Variants in HDX observed in about 807,000 individuals in gnomAD.
The protein encoded by HDX is highly divergent homeobox.
Under a neutral mutation model 45.2 loss-of-function variants are expected in HDX, and 19 were observed. That is an observed-to-expected ratio of 0.42 (90% CI 0.29 to 0.62). HDX has a LOEUF of 0.62. Among genes scored for constraint, HDX ranks in the 20% least tolerant of loss-of-function variants. The pLI, the probability that HDX is intolerant of heterozygous loss-of-function variation, is 0.20. For missense variants in HDX, 532 were observed against 493.9 expected, an observed-to-expected ratio of 1.08 and a Z score of -0.73; for synonymous variants, 188 against 172.8, an observed-to-expected ratio of 1.09 and a Z score of -0.69.
At chrX:84,340,589 G>A (rs1290690402) in intron 7 of HDX, among the ~76,000 whole-genome samples, 1 of 110,932 alleles carries the variant, frequency 9.0e-6, no homozygotes, top group Non-Finnish European at 1.9e-5. Context: ...ATATTTTAAA[G>A]GCATGATATT....
At chrX:84,496,975 A>G (rs1569381309) in intron 1 of HDX, among the ~76,000 whole-genome samples, 1 of 111,100 alleles carries the variant, frequency 9.0e-6, no homozygotes, top group Non-Finnish European at 1.9e-5. Flanking sequence ...ATGGAAAATG[A>G]CTGGATCATG....
chrX:84,386,084 A>G (rs2038314322), intron 5 of HDX, among the ~76,000 whole-genome samples: 1 of 110,086 alleles, frequency 9.1e-6, no homozygotes, highest in Admixed American at 9.7e-5. Context: ...ATTTTATGGA[A>G]AACTTTTTAT....
rs1177579593 is a variant in HDX at position 84,475,341 on chromosome X, A to G, written c.57T>C (p.Tyr19=). The change falls in exon 3 of 11, where the codon TAT becomes TAC. Residue 19 remains tyrosine, a synonymous_variant. Coordinates refer to ENST00000373177, the MANE Select transcript of HDX (RefSeq NM_001177479.2). ...VEQQRILQRY[Y]ENGMTNQSKN... ...TACTTTGATTTGTCATTCCATTTTC[A>G]TAATAACGCTGTAAAATCCTTTGTT... The G allele has an allele frequency of 8.5e-7, 1 of 1,170,865 alleles. No homozygotes were observed. The highest frequency in any genetic ancestry group is 1.8e-5 in the South Asian group (1 of 54,553).
At position 84,469,289 on chromosome X, in the gene HDX, T is replaced by C. The variant is rs2040412382; in HGVS notation, c.434A>G (p.Asn145Ser). Residue 145 changes from asparagine to serine, a missense_variant, in exon 4 of 11, where the codon AAT becomes AGT. Physicochemically the swap from Asn to Ser is conservative, Grantham distance 46. Around this residue, in one of 3 missense-constraint regions of HDX, gnomAD observed 376 missense variants for 343.7 expected, o/e 1.09. Coordinates refer to ENST00000373177, the MANE Select transcript of HDX (RefSeq NM_001177479.2). ...AATGTGTAACTGAAACTCAGTATCA[T>C]TTTTAGTGGCTGTTTTCTGAATAGG... is the stretch of plus-strand genomic sequence containing the variant. ...KIPIQKTATK[N>S]DTEFQLHIPV... 2.5e-6 allele frequency: 3 copies of C among 1,208,995 alleles called. No individual in the cohort carries two copies. The highest frequency in any genetic ancestry group is 3.4e-6 in the Non-Finnish European group (3 of 894,243).
At chrX:84,364,002 T>C (rs183884622) in intron 5 of HDX, among the ~76,000 whole-genome samples, 15 of 111,852 alleles carry the variant, frequency 1.3e-4, no homozygotes, top group East Asian at 1.1e-3. Flanking sequence ...GTGACTTCAC[T>C]TGGCTTATAT....
intron 5 of HDX, among the ~76,000 whole-genome samples, chrX:84,392,866 T>C (rs1367679239): frequency 9.1e-6 from 1 of 109,806 alleles, no homozygotes; most frequent in African/African-American, 3.3e-5. Context: ...TTACTGAATT[T>C]ATTTTTCAGA....
intron 7 of HDX, among the ~76,000 whole-genome samples, chrX:84,339,098 G>C (rs1303840850): frequency 9.0e-6 from 1 of 111,527 alleles, no homozygotes; most frequent in East Asian, 2.8e-4. Flanking sequence ...AACTGAAGCA[G>C]ACCTGCAGGA....
At chrX:84,364,941 C>T (rs2147857912) in intron 5 of HDX, among the ~76,000 whole-genome samples, 1 of 111,190 alleles carries the variant, frequency 9.0e-6, no homozygotes, top group South Asian at 3.8e-4. Context: ...GGATTTCCTT[C>T]CTTTTTAAGG....
chrX:84,374,383 C>T (rs1268083824), intron 5 of HDX, among the ~76,000 whole-genome samples: 121 of 109,649 alleles, frequency 1.1e-3, no homozygotes, highest in African/African-American at 4.0e-3. Flanking sequence ...TACCAATGAT[C>T]TTCTTCACAG....
chrX:84,428,242 C>G (rs1325576125), intron 5 of HDX, among the ~76,000 whole-genome samples: 2 of 110,065 alleles, frequency 1.8e-5, no homozygotes, highest in Non-Finnish European at 3.8e-5. Context: ...TTATCATAAC[C>G]CTGTCTTTCT....
intron 5 of HDX, among the ~76,000 whole-genome samples, chrX:84,385,791 T>C (rs763481827): frequency 2.1e-4 from 23 of 108,495 alleles, no homozygotes; most frequent in East Asian, 2.9e-4. Flanking sequence ...TAAAATCATA[T>C]CGTCAACAGA....
In HDX at chrX:84,325,390, C is replaced by T. The variant is rs183250280; in HGVS notation, c.1947+788G>A. 2.7e-3 allele frequency among the ~76,000 whole-genome samples: 301 copies of T among 111,443 alleles called. 2 individuals carry two copies. The highest frequency in any genetic ancestry group is 9.5e-3 in the African/African-American group (291 of 30,766). On this transcript the variant is annotated intron_variant, in intron 10 of 10. Transcript: ENST00000373177. ...AGGGTTACATATGTCTCACACTACTCCTATAGAACTGTGACAAGGAATCAG... is the reference window on the plus strand; with the variant it reads ...AGGGTTACATATGTCTCACACTACTTCTATAGAACTGTGACAAGGAATCAG...
intron 5 of HDX, among the ~76,000 whole-genome samples, chrX:84,366,785 T>G (rs1314140643): frequency 2.7e-5 from 3 of 111,658 alleles, no homozygotes; most frequent in African/African-American, 9.8e-5. Context: ...TTGGGAAAAC[T>G]TGCTAGCCAT....
chrX:84,496,090 C>T (rs1242847235), intron 1 of HDX, among the ~76,000 whole-genome samples: 1 of 111,260 alleles, frequency 9.0e-6, no homozygotes, highest in Non-Finnish European at 1.9e-5. Flanking sequence ...TTGCTGTCAC[C>T]AATGTGAGTG....
chrX:84,431,096 A>C lies in HDX; in HGVS notation c.1305+9436T>G, dbSNP rs188164777. ...CATATGTACTTGATGTTTAGTTTTC[A>C]CTTGTAAGTGAGGCCATGTGGTATT... On this transcript the variant is annotated intron_variant, in intron 5 of 10. Coordinates refer to ENST00000373177, the MANE Select transcript of HDX (RefSeq NM_001177479.2). Among the ~76,000 whole-genome samples the C allele has an allele frequency of 4.5e-5, 5 of 110,210 alleles. No individual in the cohort carries two copies. In the East Asian group the frequency reaches 1.4e-3, roughly 32 times the overall value.
intron 2 of HDX, among the ~76,000 whole-genome samples, chrX:84,487,101 C>T (rs2040810622): frequency 9.0e-6 from 1 of 111,629 alleles, no homozygotes. Flanking sequence ...CCACTGTCTT[C>T]ATCATTCTCT....
chrX:84,466,789 C>T lies in HDX; in HGVS notation c.1251+1683G>A, dbSNP rs140512132. Among the ~76,000 whole-genome samples the T allele has an allele frequency of 2.0e-3, 219 of 111,309 alleles. No homozygotes were observed. The East Asian group carries it at 0.029, about 15-fold the overall frequency. ...AGAAAATATGATAAATAATAAATTG[C>T]TGAGTTGGAATTCTGGTTCTGTCAT... is the stretch of plus-strand genomic sequence containing the variant. On this transcript the variant is annotated intron_variant, in intron 4 of 10. Coordinates refer to ENST00000373177, the MANE Select transcript of HDX (RefSeq NM_001177479.2).
intron 5 of HDX, among the ~76,000 whole-genome samples, chrX:84,430,675 G>A (rs1266463279): frequency 2.7e-5 from 2 of 74,295 alleles, no homozygotes; most frequent in Non-Finnish European, 5.7e-5. Flanking sequence ...ATCCTCGCCA[G>A]TATTTGTGAT....
intron 5 of HDX, among the ~76,000 whole-genome samples, chrX:84,431,083 A>G (rs2039495199): frequency 9.1e-6 from 1 of 109,959 alleles, no homozygotes; most frequent in African/African-American, 3.3e-5. Context: ...TATGTACTTG[A>G]TGTTTAGTTT....
Sources: gnomAD v4.1 joint callset for allele counts (sites outside exome capture counted in the v4.1 genomes callset) on GRCh38, gnomAD v4.1.1 for gene constraint, gnomAD v4.1.1 regional missense constraint, MANE v1.5 for transcripts, NCBI Gene and HGNC (gene_info 2026-07-23, HGNC 2026-07-21) for gene names.